STK25: variants seen among roughly 807,000 people sequenced by gnomAD.
STK25 encodes the protein serine/threonine kinase 25.
A neutral mutation model predicts 53.8 loss-of-function variants in STK25; 29 were observed. The observed-to-expected ratio is 0.54, with a 90% confidence interval of 0.40 to 0.74. The LOEUF (loss-of-function observed/expected upper bound fraction) is 0.74. STK25 is among the 30% of genes least tolerant of loss of function. The probability of loss-of-function intolerance (pLI) is 0.00; values close to 1 mark genes in which losing one functional copy is unlikely to be tolerated. For synonymous variants in STK25, 247 were observed against 238.3 expected, an observed-to-expected ratio of 1.04 and a Z score of -0.33; for missense variants, 420 against 568.0, an observed-to-expected ratio of 0.74 and a Z score of 2.65.
intron 2 of STK25, among the ~76,000 whole-genome samples, chr2:241,503,281 T>A (rs1574956709): frequency 1.3e-5 from 2 of 151,618 alleles, no homozygotes; most frequent in Admixed American, 1.3e-4. Context: ...GCCAGGCTGG[T>A]CTCGAACTCC....
Position 241,500,388 on chromosome 2 carries a change from GC to G in STK25, c.319-108del, listed in dbSNP as rs2065435163. On this transcript the variant is annotated intron_variant, in intron 4 of 11. Coordinates refer to ENST00000316586, the MANE Select transcript of STK25 (RefSeq NM_001271977.2). ...GGGCTGTCCCTGCAGATAGCTGGGG[GC>G]TTCGTGTTCCTTTACTTCCCAAACA... 6.6e-6 allele frequency: 5 copies of G among 758,756 alleles called. No homozygotes were observed. The South Asian group carries it at 8.3e-5, about 13-fold the overall frequency. The allele number at this position is 758,756 out of a possible 1,614,324, so 47.0% of individuals were successfully genotyped here. A position where few individuals can be genotyped will look rare whatever the true frequency, so the allele number is the denominator to read the frequency against.
At chr2:241,506,628 A>G (rs1048536087) in intron 2 of STK25, among the ~76,000 whole-genome samples, 6 of 152,242 alleles carry the variant, frequency 3.9e-5, no homozygotes, top group South Asian at 4.1e-4. Context: ...TTAGCTGGGC[A>G]TGGTGGCGCA....
At position 241,493,424 on chromosome 2, in the gene STK25, G is replaced by A. The variant is rs137904208; in HGVS notation, c.*2238C>T. 8.1e-5 allele frequency: 130 copies of A among 1,613,764 alleles called. No homozygotes were observed. The African/African-American group carries it at 1.6e-3, about 19-fold the overall frequency. ...CCCACGTCTACTTCTTCCGGGCTGA[G>A]AGCAAGTACACATTTGAAAGGTAAT... On this transcript the variant is annotated 3_prime_UTR_variant, in exon 12 of 12. Coordinates refer to ENST00000316586, the MANE Select transcript of STK25 (RefSeq NM_001271977.2).
Position 241,499,430 on chromosome 2 carries a change from C to T in STK25, c.428-16G>A. On this transcript the variant is annotated splice_polypyrimidine_tract_variant and intron_variant, in intron 5 of 11. Transcript: ENST00000316586. ...ACGTTGGCAGCTGCTTGACACAGGA[C>T]AGGCAGGCGTCATCCCAGGCTCCAC... 2 of 1,611,088 alleles carry T rather than the reference C, an allele frequency of 1.2e-6. No individual in the cohort carries two copies. The highest frequency in any genetic ancestry group is 1.7e-6 in the Non-Finnish European group (2 of 1,178,454).
chr2:241,499,040 G>A lies in STK25; in HGVS notation c.720C>T (p.Ser240=), dbSNP rs149351256. ...CCTCCACGAACTCCTTGAAGGGCTT[G>A]CTGTGCTGGCCCTCCAGTGTGGGTG... The part of the protein sequence containing the change: ...NSPPTLEGQH[S]KPFKEFVEAC... Residue 240 remains serine (S), a synonymous_variant, in exon 7 of 12, where the codon AGC becomes AGT. Coordinates refer to ENST00000316586, the MANE Select transcript of STK25 (RefSeq NM_001271977.2). 4 of 1,613,986 alleles carry A rather than the reference G, an allele frequency of 2.5e-6. No individual in the cohort carries two copies. In the African/African-American group the frequency reaches 5.3e-5, roughly 22 times the overall value.
intron 3 of STK25, 34 bp from the exon 4 acceptor site, chr2:241,500,830 A>G (rs1450826600): frequency 6.2e-7 from 1 of 1,609,748 alleles, no homozygotes. Context: ...AGCATTTGGC[A>G]GCAAGAGGAA....
chr2:241,500,025 C>A (rs764141969), intron 5 of STK25, 148 bp downstream of exon 5: 2 of 720,524 alleles, frequency 2.8e-6, no homozygotes, highest in South Asian at 3.0e-5. Context: ...GGGAGCGAGA[C>A]AGGACTGCTC....
intron 11 of STK25, 113 bp from the exon 12 acceptor site, chr2:241,495,814 G>A: frequency 1.9e-6 from 2 of 1,059,832 alleles, no homozygotes; most frequent in South Asian, 1.3e-5. Context: ...CGCACCACGT[G>A]GGTCTGAAGG....
intron 4 of STK25, 102 bp from the exon 5 acceptor site, chr2:241,500,383 T>C: frequency 2.5e-6 from 2 of 796,494 alleles, no homozygotes; most frequent in Admixed American, 4.6e-5. Flanking sequence ...TGCAGATAGC[T>C]GGGGGCTTCG....
Position 241,495,506 on chromosome 2 carries a change from CGGTGACCT to C in STK25, c.*148_*155del, listed in dbSNP as rs927416125. ...AGCACACTGCAGGGGTGGAAGGAGA[CGGTGACCT>C]GGTGACCTGGCATGTGAGGCCCACG... On this transcript the variant is annotated 3_prime_UTR_variant, in exon 12 of 12. Transcript: ENST00000316586. 5 of 724,250 alleles carry C rather than the reference CGGTGACCT, an allele frequency of 6.9e-6. No homozygotes were observed. The highest frequency in any genetic ancestry group is 5.2e-5 in the African/African-American group (3 of 57,712). The allele number at this position is 724,250 out of a possible 1,614,324, so 44.9% of individuals were successfully genotyped here.
At chr2:241,502,670 C>T (rs1191667876) in intron 2 of STK25, among the ~76,000 whole-genome samples, 2 of 151,728 alleles carry the variant, frequency 1.3e-5, no homozygotes, top group African/African-American at 4.8e-5. Context: ...ATCAGGGAAG[C>T]GGAGGTTGCG....
At chr2:241,497,820 G>T (rs144015867) in intron 9 of STK25, 133 bp from the exon 10 acceptor site, 4 of 877,004 alleles carry the variant, frequency 4.6e-6, no homozygotes. Flanking sequence ...GTCCAGGGCC[G>T]GCCCCAAAAC....
intron 2 of STK25, among the ~76,000 whole-genome samples, chr2:241,504,667 G>A (rs985966253): frequency 2.0e-5 from 3 of 152,154 alleles, no homozygotes; most frequent in Non-Finnish European, 2.9e-5. Context: ...GGGGGGTCTC[G>A]CTGTGTGCCC....
chr2:241,497,759 A>G (rs1269863969), intron 9 of STK25, 72 bp from the exon 10 acceptor site: 2 of 1,448,044 alleles, frequency 1.4e-6, no homozygotes, highest in Non-Finnish European at 1.9e-6. Flanking sequence ...ATCCCTGCCC[A>G]GGCTCTAGCC....
At chr2:241,504,095 C>A in intron 2 of STK25, 1 of 471,200 alleles carries the variant, frequency 2.1e-6, no homozygotes, top group Non-Finnish European at 4.4e-6. Context: ...GTGACTGGAA[C>A]TCTGGGGAAG....
intron 10 of STK25, chr2:241,497,196 G>A (rs10166621): frequency 0.22 from 36,749 of 166,294 alleles, 4,623 homozygotes; most frequent in African/African-American, 0.32. Context: ...GCCCAAGCCC[G>A]CTGGCCACGC....
At chr2:241,498,920 GC>G (rs1358798188) in intron 7 of STK25, 68 bp downstream of exon 7, 1 of 1,609,726 alleles carries the variant, frequency 6.2e-7, no homozygotes, top group Admixed American at 1.7e-5. Context: ...GGGCTGTGCC[GC>G]CCACCCCAAG....
At chr2:241,505,780 G>A (rs911454492) in intron 2 of STK25, among the ~76,000 whole-genome samples, 6 of 152,220 alleles carry the variant, frequency 3.9e-5, no homozygotes, top group Admixed American at 3.9e-4. Context: ...TGACATCGCA[G>A]GCCAAGCCAA....
intron 2 of STK25, among the ~76,000 whole-genome samples, chr2:241,504,905 G>A (rs1308388696): frequency 1.3e-5 from 2 of 150,880 alleles, no homozygotes; most frequent in Non-Finnish European, 2.9e-5. Flanking sequence ...AGGTTAAGAA[G>A]CAGCCCCTCT....
Sources: gnomAD v4.1 joint callset for allele counts (sites outside exome capture counted in the v4.1 genomes callset) on GRCh38, gnomAD v4.1.1 for gene constraint, MANE v1.5 for transcripts, NCBI Gene and HGNC (gene_info 2026-07-23, HGNC 2026-07-21) for gene names.